Variants in FREM1 observed in about 807,000 individuals in gnomAD.
The protein encoded by FREM1 is FRAS1 related extracellular matrix 1, also known as FRAS1-related extracellular matrix protein 1.
FREM1 carries 220 observed loss-of-function variants against 210.1 expected under a neutral mutation model. The observed-to-expected ratio is 1.05, with a 90% CI of 0.94 to 1.17. The LOEUF is 1.17. FREM1 is among the 50% of genes most tolerant of loss of function. The pLI, the probability that FREM1 is intolerant of heterozygous loss-of-function variation, is 0.00. For missense variants in FREM1, 3,454 were observed against 2,675.5 expected (o/e 1.29, Z -6.42); for synonymous variants, 1,189 against 980.2 (o/e 1.21, Z -3.98).
chr9:14,823,288 TG>T lies in FREM1; in HGVS notation c.2208del (p.Met737CysfsTer49), dbSNP rs1821720779. On this transcript the variant is annotated frameshift_variant, in exon 13 of 37. Transcript: ENST00000380880. LOFTEE classifies it high-confidence loss of function. ...CTGCAATGGGGACCAATGTCTTGCA[TG>T]GGGGGCATGTAGGCCACTTTCATAT... ...VNYMKVAYMP[P>X]MQDIGPHCRD... 1 of 1,613,914 alleles carries T rather than the reference TG, an allele frequency of 6.2e-7. No homozygotes were observed. Among genetic ancestry groups the T allele is most frequent in the Non-Finnish European group, 8.5e-7 (1 of 1,179,832 alleles).
At chr9:14,825,731 A>G (rs959054682) in intron 10 of FREM1, among the ~76,000 whole-genome samples, 2 of 151,618 alleles carry the variant, frequency 1.3e-5, no homozygotes, top group Non-Finnish European at 2.9e-5. Flanking sequence ...CCTTGACATG[A>G]ATTTTGGTTC....
At chr9:14,762,032 G>A (rs1446802075) in intron 27 of FREM1, among the ~76,000 whole-genome samples, 2 of 152,168 alleles carry the variant, frequency 1.3e-5, no homozygotes, top group East Asian at 1.9e-4. Context: ...AATACTATTT[G>A]CACTTTAGAC....
At chr9:14,782,407 G>A (rs1849776203) in intron 24 of FREM1, 1 of 933,340 alleles carries the variant, frequency 1.1e-6, no homozygotes, top group African/African-American at 1.8e-5. Context: ...ATTCAGTCCT[G>A]TGTTCTCCAG....
rs1847348710 is a variant in FREM1 at position 14,770,546 on chromosome 9, G to A, written c.5059+59C>T. On this transcript the variant is annotated intron_variant, in intron 26 of 36. Coordinates refer to ENST00000380880, the MANE Select transcript of FREM1 (RefSeq NM_001379081.2). The stretch of plus-strand genomic sequence containing the variant: ...CTGCACTTAATTAAATTACTCTCTA[G>A]CCCTGCCAGCCACTGGGTATTTTAA... 3.1e-6 allele frequency: 4 copies of A among 1,302,234 alleles called. No homozygotes were observed. The Admixed American group carries it at 5.1e-5, about 17-fold the overall frequency. 80.7% of individuals were successfully genotyped at this position (1,302,234 alleles called of 1,614,324 possible). A position where few individuals can be genotyped will look rare whatever the true frequency, so the allele number is the denominator to read the frequency against.
intron 5 of FREM1, among the ~76,000 whole-genome samples, chr9:14,854,250 T>G (rs1828308345): frequency 6.6e-6 from 1 of 152,164 alleles, no homozygotes; most frequent in South Asian, 2.1e-4. Context: ...CAAGACAAAT[T>G]TTTTTAATTA....
Position 14,775,836 on chromosome 9 carries a change from T to C in FREM1, c.4810A>G (p.Ile1604Val). 2.5e-6 allele frequency: 4 copies of C among 1,610,876 alleles called. No individual in the cohort carries two copies. The highest frequency in any genetic ancestry group is 2.5e-6 in the Non-Finnish European group (3 of 1,178,628). Reference sequence around the variant, plus strand: ...TCTTCCCACACTCTCCCATTCACAATAAAGCCTTGGTTTGTCCCATCTGTG... The same window carrying C: ...TCTTCCCACACTCTCCCATTCACAACAAAGCCTTGGTTTGTCCCATCTGTG... ...MATDGTNQGFIVNGRVWEEPV... is the reference protein window; with the variant it reads ...MATDGTNQGFVVNGRVWEEPV... Residue 1604 changes from isoleucine (I) to valine (V), a missense_variant, in exon 25 of 37, where the codon ATT becomes GTT. Physicochemically the swap from Ile to Val is conservative, Grantham distance 29 (BLOSUM62 3). Transcript: ENST00000380880.
chr9:14,819,195 C>T (rs1820828295), intron 14 of FREM1, 39 bp downstream of exon 14: 2 of 1,448,338 alleles, frequency 1.4e-6, no homozygotes, highest in East Asian at 2.3e-5. Flanking sequence ...AGATAAGAAA[C>T]TAAAGCATGT....
chr9:14,895,712 T>C (rs563935499), intron 1 of FREM1, among the ~76,000 whole-genome samples: 52 of 152,178 alleles, frequency 3.4e-4, no homozygotes, highest in African/African-American at 1.2e-3. Flanking sequence ...ATTAATCTTC[T>C]AGATATCACC....
intron 13 of FREM1, among the ~76,000 whole-genome samples, chr9:14,822,032 G>A (rs1821448928): frequency 6.6e-6 from 1 of 152,262 alleles, no homozygotes; most frequent in African/African-American, 2.4e-5. Context: ...TTCCCCCATA[G>A]TATTCTCATG....
rs547296209 is a variant in FREM1, at chr9:14,789,041, C to G, written c.4055G>C (p.Arg1352Thr). ...ATCCATTGCCCCGGTGTGTGTGTAT[C>G]TCAGCAAGTTCAGATCCACTTCCTC... is the stretch of plus-strand genomic sequence containing the variant. ...TQEEVDLNLL[R>T]YTHTGAMDSQ... Residue 1352 changes from arginine to threonine, a missense_variant, in exon 23 of 37, where the codon AGA becomes ACA. Coordinates refer to ENST00000380880, the MANE Select transcript of FREM1 (RefSeq NM_001379081.2). 30 of 1,610,454 alleles carry G rather than the reference C, an allele frequency of 1.9e-5. No homozygotes were observed. The South Asian group carries it at 2.8e-4, about 15-fold the overall frequency.
Position 14,859,283 on chromosome 9 carries a change from A to G in FREM1, c.531T>C (p.Thr177=). The change falls in exon 4 of 37, where the codon ACT becomes ACC. Residue 177 remains threonine, a synonymous_variant. Transcript: ENST00000380880. ...CATGGGCTGGCAGCCGAGTTCTCGC[A>G]GTGTCCAGGCTGACGGTACATTCCA... is the stretch of plus-strand genomic sequence containing the variant. The part of the protein sequence containing the change: ...ASLECTVSLD[T]ARTRLPAHGQ... The G allele has an allele frequency of 6.2e-7, 1 of 1,613,750 alleles. No homozygotes were observed. The highest frequency in any genetic ancestry group is 8.5e-7 in the Non-Finnish European group (1 of 1,179,824).
intron 27 of FREM1, among the ~76,000 whole-genome samples, chr9:14,768,859 T>G (rs1265825691): frequency 1.3e-5 from 2 of 152,194 alleles, no homozygotes; most frequent in African/African-American, 4.8e-5. Context: ...TCACTTATGA[T>G]GCTTAGTATG....
At chr9:14,905,125 A>T (rs1588687052) in intron 1 of FREM1, among the ~76,000 whole-genome samples, 1 of 152,160 alleles carries the variant, frequency 6.6e-6, no homozygotes, top group Non-Finnish European at 1.5e-5. Context: ...CTCCTGGTCT[A>T]TAAACACCTT....
intron 25 of FREM1, among the ~76,000 whole-genome samples, 168 bp from the exon 26 acceptor site, chr9:14,770,974 A>T (rs1847463325): frequency 6.6e-6 from 1 of 152,188 alleles, no homozygotes; most frequent in African/African-American, 2.4e-5. Context: ...AGCCTCAGCA[A>T]ATATCACAGT....
At chr9:14,767,312 G>A (rs1846610888) in intron 27 of FREM1, among the ~76,000 whole-genome samples, 1 of 152,068 alleles carries the variant, frequency 6.6e-6, no homozygotes, top group African/African-American at 2.4e-5. Flanking sequence ...TCTTGCTTGG[G>A]TGGCCAATGT....
At chr9:14,805,216 A>G in intron 18 of FREM1, 64 bp from the exon 19 acceptor site, 1 of 884,362 alleles carries the variant, frequency 1.1e-6, no homozygotes, top group Non-Finnish European at 1.7e-6. Context: ...TTGGTCCTTA[A>G]TCCTTAACCC....
chr9:14,808,893 T>C (rs762733107), intron 16 of FREM1, among the ~76,000 whole-genome samples: 1 of 152,168 alleles, frequency 6.6e-6, no homozygotes, highest in Non-Finnish European at 1.5e-5. Context: ...GTAAGAGTGC[T>C]TGCTATCCAG....
At chr9:14,830,124 A>C (rs1336807555) in intron 10 of FREM1, among the ~76,000 whole-genome samples, 5 of 152,220 alleles carry the variant, frequency 3.3e-5, no homozygotes, top group African/African-American at 4.8e-5. Flanking sequence ...AGCACTGGAT[A>C]GTTTCAAGGG....
At chr9:14,832,265 C>CCT (rs1823702664) in intron 10 of FREM1, among the ~76,000 whole-genome samples, 1 of 152,154 alleles carries the variant, frequency 6.6e-6, no homozygotes, top group South Asian at 2.1e-4. Context: ...GGACCTTAGG[C>CCT]AAGTAAAGGC....
Sources: gnomAD v4.1 joint callset for allele counts (sites outside exome capture counted in the v4.1 genomes callset) on GRCh38, gnomAD v4.1.1 for gene constraint, MANE v1.5 for transcripts, NCBI Gene and HGNC (gene_info 2026-07-23, HGNC 2026-07-21) for gene names.